Variants in EXOSC10 observed in about 807,000 individuals in gnomAD.
EXOSC10 encodes exosome complex component 10.
Under a neutral mutation model 126.6 loss-of-function variants are expected in EXOSC10, and 94 were observed. The ratio of observed to expected loss-of-function variants is 0.74; its 90% CI spans 0.63 to 0.88. EXOSC10 has a LOEUF of 0.88. Ranked by LOEUF, EXOSC10 falls within the 40% of genes least tolerant of loss-of-function variation. The pLI, the probability that EXOSC10 is intolerant of heterozygous loss-of-function variation, is 0.00. For synonymous variants in EXOSC10, 395 were observed against 400.8 expected, an observed-to-expected ratio of 0.99 and a Z score of 0.17; for missense variants, 1,041 against 1,100.5, an observed-to-expected ratio of 0.95 and a Z score of 0.77.
At chr1:11,076,445 C>CG (rs1264613349) in intron 17 of EXOSC10, among the ~76,000 whole-genome samples, 1 of 152,206 alleles carries the variant, frequency 6.6e-6, no homozygotes, top group Non-Finnish European at 1.5e-5. Context: ...TACAGTTCAT[C>CG]GGACAGTACA....
chr1:11,088,396 T>A (rs937378355), intron 6 of EXOSC10, among the ~76,000 whole-genome samples, 198 bp from the exon 7 acceptor site: 3 of 152,246 alleles, frequency 2.0e-5, no homozygotes, highest in Non-Finnish European at 2.9e-5. Context: ...TAAAATATGA[T>A]AATTAAGTCT....
chr1:11,081,029 G>C, intron 11 of EXOSC10, 53 bp downstream of exon 11: 1 of 1,602,584 alleles, frequency 6.2e-7, no homozygotes, highest in Non-Finnish European at 8.5e-7. Flanking sequence ...CTAGAACCTG[G>C]CCAGACACAG....
chr1:11,072,030 G>A (rs1170465809), intron 20 of EXOSC10, 57 bp downstream of exon 20: 49 of 1,392,812 alleles, frequency 3.5e-5, no homozygotes, highest in Non-Finnish European at 4.4e-5. Flanking sequence ...CTGAAACAGC[G>A]GGTGTGCAAC....
intron 23 of EXOSC10, 144 bp downstream of exon 23, chr1:11,068,501 T>C: frequency 1.4e-6 from 1 of 691,674 alleles, no homozygotes; most frequent in Admixed American, 2.4e-5. Flanking sequence ...AGCTGATCAG[T>C]ACTGTCTGCC....
chr1:11,068,789 TG>T, intron 22 of EXOSC10, 83 bp from the exon 23 acceptor site: 5 of 1,110,816 alleles, frequency 4.5e-6, no homozygotes, highest in Non-Finnish European at 6.9e-6. Flanking sequence ...GCCGGGACCA[TG>T]ACACTCAGGG....
intron 3 of EXOSC10, among the ~76,000 whole-genome samples, chr1:11,095,012 G>C (rs781488168): frequency 2.1e-4 from 32 of 152,096 alleles, no homozygotes; most frequent in South Asian, 4.1e-4. Context: ...AGGAGTTTGA[G>C]ACCAGCTTGG....
At chr1:11,093,104 A>G (rs1292913818) in intron 3 of EXOSC10, among the ~76,000 whole-genome samples, 3 of 152,226 alleles carry the variant, frequency 2.0e-5, no homozygotes, top group Non-Finnish European at 4.4e-5. Context: ...TACAAAGTTG[A>G]TCAATAAAGG....
chr1:11,085,141 C>A (rs373541324), intron 9 of EXOSC10, among the ~76,000 whole-genome samples: 1 of 152,010 alleles, frequency 6.6e-6, no homozygotes, highest in South Asian at 2.1e-4. Flanking sequence ...GAACTTTAAA[C>A]TAGTTTTTTC....
chr1:11,091,017 G>C lies in EXOSC10; in HGVS notation c.640C>G (p.Gln214Glu). ...AGGCAAAGTATGCACTATTTACCTT[G>C]AGGGAGAGGTTTCTGAGCATTGGGT... ...IKPNAQKPLP[Q>E]ALSKERRERP... Residue 214 changes from glutamine (Q) to glutamate (E), a missense_variant, in exon 5 of 25, where the codon CAA (glutamine) becomes GAA (glutamate). By Grantham distance (29) the Gln-to-Glu change is conservative (BLOSUM62 2). Around this residue, in one of 3 missense-constraint regions of EXOSC10, gnomAD observed 645 missense variants for 656.3 expected, o/e 0.98. Transcript: ENST00000376936. 6.2e-7 allele frequency: 1 copy of C among 1,613,766 alleles called. No individual in the cohort carries two copies. Among genetic ancestry groups the C allele is most frequent in the Non-Finnish European group, 8.5e-7 (1 of 1,179,896 alleles).
chr1:11,082,624 C>T (rs984371511), intron 10 of EXOSC10, 64 bp downstream of exon 10: 28 of 1,592,296 alleles, frequency 1.8e-5, no homozygotes, highest in East Asian at 8.9e-5. Flanking sequence ...TCTCTCTGGA[C>T]GACAGGTTAA....
At chr1:11,086,818 C>T (rs976721612) in intron 9 of EXOSC10, among the ~76,000 whole-genome samples, 9 of 152,098 alleles carry the variant, frequency 5.9e-5, no homozygotes, top group Admixed American at 1.3e-4. Context: ...ACATTCAAAG[C>T]AGTGCGTAGA....
chr1:11,077,266 C>T lies in EXOSC10; in HGVS notation c.1879+99G>A, dbSNP rs141772850. ...TCAGCCTTCCAATATGCTGGCATTA[C>T]AGGCATAAGCCACCACGCCCGGCCA... is the stretch of plus-strand genomic sequence containing the variant. On this transcript the variant is annotated intron_variant, in intron 16 of 24. Transcript: ENST00000376936. The T allele has an allele frequency of 1.8e-5, 22 of 1,240,940 alleles. No individual in the cohort carries two copies. The East Asian group carries it at 5.2e-4, about 29-fold the overall frequency. The allele number at this position is 1,240,940 out of a possible 1,614,324, so 76.9% of individuals were successfully genotyped here. A position where few individuals can be genotyped will look rare whatever the true frequency, so the allele number is the denominator to read the frequency against.
intron 10 of EXOSC10, among the ~76,000 whole-genome samples, chr1:11,081,808 C>T (rs551783415): frequency 4.0e-5 from 6 of 151,890 alleles, no homozygotes; most frequent in African/African-American, 9.7e-5. Flanking sequence ...CTGGGCCAGG[C>T]GCGGTGGCTC....
intron 17 of EXOSC10, among the ~76,000 whole-genome samples, chr1:11,075,439 G>C (rs1639755485): frequency 6.6e-6 from 1 of 152,114 alleles, no homozygotes; most frequent in Admixed American, 6.6e-5. Flanking sequence ...ATGCGCCCTT[G>C]CAACACAAGA....
chr1:11,067,982 G>A, intron 24 of EXOSC10, 26 bp downstream of exon 24: 1 of 1,609,630 alleles, frequency 6.2e-7, no homozygotes, highest in Non-Finnish European at 8.5e-7. Flanking sequence ...TGGGCTCCCT[G>A]GGCCACACCG....
At chr1:11,087,954 C>T in intron 7 of EXOSC10, 44 bp from the exon 8 acceptor site, 3 of 1,356,848 alleles carry the variant, frequency 2.2e-6, no homozygotes, top group South Asian at 2.4e-5. Context: ...ATATAGAAAT[C>T]ATCCCCCAGT....
intron 3 of EXOSC10, among the ~76,000 whole-genome samples, chr1:11,095,081 G>A (rs1257696521): frequency 6.6e-6 from 1 of 151,960 alleles, no homozygotes; most frequent in Admixed American, 6.6e-5. Context: ...GAATAGTGGT[G>A]GGTGCCTGTA....
intron 9 of EXOSC10, among the ~76,000 whole-genome samples, chr1:11,083,826 G>T (rs1348079520): frequency 1.4e-5 from 2 of 146,484 alleles, no homozygotes; most frequent in Non-Finnish European, 3.0e-5. Context: ...CCCTTCCTTT[G>T]TCCATGTGTT....
At chr1:11,070,664 T>C (rs1378099343) in intron 21 of EXOSC10, 2 of 490,970 alleles carry the variant, frequency 4.1e-6, no homozygotes, top group South Asian at 3.4e-5. Flanking sequence ...TACAGTTGAG[T>C]GGTCTGGCAT....
Sources: gnomAD v4.1 joint callset for allele counts (sites outside exome capture counted in the v4.1 genomes callset) on GRCh38, gnomAD v4.1.1 for gene constraint, gnomAD v4.1.1 regional missense constraint, MANE v1.5 for transcripts, NCBI Gene and HGNC (gene_info 2026-07-23, HGNC 2026-07-21) for gene names.